SH2D2A: variants seen among roughly 807,000 people sequenced by gnomAD.
The protein encoded by SH2D2A is SH2 domain-containing protein 2A.
Under a neutral mutation model 43.6 loss-of-function variants are expected in SH2D2A, and 33 were observed. That is an observed-to-expected ratio of 0.76 (90% CI 0.57 to 1.01). SH2D2A has a LOEUF of 1.01. Ranked by LOEUF, SH2D2A falls within the 50% of genes least tolerant of loss-of-function variation. The pLI, the probability that SH2D2A is intolerant of heterozygous loss-of-function variation, is 0.00. For missense variants in SH2D2A, 491 were observed against 503.1 expected, an observed-to-expected ratio of 0.98 and a Z score of 0.23; for synonymous variants, 212 against 206.1, an observed-to-expected ratio of 1.03 and a Z score of -0.25.
Position 156,809,779 on chromosome 1 carries a change from C to G in SH2D2A, c.596G>C (p.Arg199Thr), listed in dbSNP as rs751310070. 1.2e-6 allele frequency: 2 copies of G among 1,613,860 alleles called. No individual in the cohort carries two copies. The highest frequency in any genetic ancestry group is 1.7e-6 in the Non-Finnish European group (2 of 1,179,860). The change falls in exon 6 of 9, where the codon AGG (arginine) becomes ACG (threonine). Residue 199 changes from arginine (R) to threonine (T), a missense_variant. By Grantham distance (71) the Arg-to-Thr change is moderately conservative (BLOSUM62 -1). Coordinates refer to ENST00000368199, the MANE Select transcript of SH2D2A (RefSeq NM_003975.4). The surrounding 1 kb of genome is among the most constrained non-coding windows in gnomAD (Gnocchi z 4.8). The stretch of plus-strand genomic sequence containing the variant: ...GCTTCCAAAGTTTGATTCTTCGGTC[C>G]TCAGGGAAAGTCCTGCAGGCTCAGG... Reference protein sequence around the residue: ...QTPEPAGLSLRTEESNFGSKS... With the variant: ...QTPEPAGLSLTTEESNFGSKS...
Position 156,814,005 on chromosome 1 carries a change from C to T in SH2D2A, c.410G>A (p.Cys137Tyr). The T allele has an allele frequency of 1.3e-6, 2 of 1,513,450 alleles. No homozygotes were observed. Among genetic ancestry groups the T allele is most frequent in the Non-Finnish European group, 1.8e-6 (2 of 1,130,832 alleles). 93.8% of individuals were successfully genotyped at this position (1,513,450 alleles called of 1,614,324 possible). The part of the protein sequence containing the change: ...TFVLTYRSRT[C>Y]CRHFLLAQLR... The stretch of plus-strand genomic sequence containing the variant: ...CTGGGCCAGCAGGAAGTGGCGGCAG[C>T]AAGTCCGGCTCCTGGAGGGCGCCGT... Residue 137 changes from cysteine to tyrosine, a missense_variant, in exon 5 of 9, where the codon TGC becomes TAC. Transcript: ENST00000368199.
In SH2D2A at chr1:156,815,221, C is replaced by T. The variant is rs527740614; in HGVS notation, c.124G>A (p.Ala42Thr). 5.3e-6 allele frequency: 8 copies of T among 1,508,202 alleles called. No homozygotes were observed. In the African/African-American group the frequency reaches 9.7e-5, roughly 18 times the overall value. 93.4% of individuals were successfully genotyped at this position (1,508,202 alleles called of 1,614,324 possible). The change falls in exon 3 of 9, where the codon GCA (alanine) becomes ACA (threonine). Residue 42 changes from alanine (A) to threonine (T), a missense_variant and splice_region_variant. Physicochemically the swap from Ala to Thr is moderately conservative, Grantham distance 58 (BLOSUM62 0). Transcript: ENST00000368199. ...RSCQNLGYTA[A>T]SPQAPEAASN... Reference sequence around the variant, plus strand: ...GCAGCCTCCGGGGCCTGGGGAGATGCCTGGATCAGGGAAGAGTTCAAGGAG... The same window carrying T: ...GCAGCCTCCGGGGCCTGGGGAGATGTCTGGATCAGGGAAGAGTTCAAGGAG...
intron 5 of SH2D2A, among the ~76,000 whole-genome samples, chr1:156,811,601 G>A (rs1653425654): frequency 6.6e-6 from 1 of 152,142 alleles, no homozygotes; most frequent in African/African-American, 2.4e-5. Context: ...TGTTTTAACT[G>A]ACCCAAATCA....
chr1:156,807,398 G>A lies in SH2D2A; in HGVS notation c.1003-53C>T. 7.1e-7 allele frequency: 1 copy of A among 1,413,940 alleles called. No homozygotes were observed. Among genetic ancestry groups the A allele is most frequent in the Non-Finnish European group, 9.3e-7 (1 of 1,073,966 alleles). The allele number at this position is 1,413,940 out of a possible 1,614,324, so 87.6% of individuals were successfully genotyped here. A position where few individuals can be genotyped will look rare whatever the true frequency, so the allele number is the denominator to read the frequency against. ...ACACCCTCTACCCTCTGCCTCCTAG[G>A]TGTACTTGCAGTCTCAAGACATCTG... On this transcript the variant is annotated intron_variant, in intron 7 of 8. Coordinates refer to ENST00000368199, the MANE Select transcript of SH2D2A (RefSeq NM_003975.4). This position sits in a 1 kb window ranked among gnomAD's most constrained non-coding sequence, Gnocchi z 5.1.
chr1:156,814,038 C>A, intron 4 of SH2D2A, 22 bp from the exon 5 acceptor site: 2 of 1,496,576 alleles, frequency 1.3e-6, no homozygotes, highest in South Asian at 1.3e-5. Flanking sequence ...CGTTAGGGAT[C>A]AGACTATCTC....
At chr1:156,810,885 C>T (rs528365425) in intron 5 of SH2D2A, among the ~76,000 whole-genome samples, 167 of 152,274 alleles carry the variant, frequency 1.1e-3, no homozygotes, top group Non-Finnish European at 1.5e-3. Flanking sequence ...GGGATGGTTC[C>T]GTCTCACAGA....
intron 1 of SH2D2A, among the ~76,000 whole-genome samples, chr1:156,816,376 C>G (rs945749996): frequency 6.6e-6 from 1 of 152,198 alleles, no homozygotes; most frequent in Non-Finnish European, 1.5e-5. Flanking sequence ...AGGCAGATCA[C>G]TTCAGGGCAG....
At position 156,807,353 on chromosome 1, in the gene SH2D2A, G is replaced by A. The variant is rs776631089; in HGVS notation, c.1003-8C>T. ...CTGGGAGCCACCTGTATTCTGCAGA[G>A]AGAAGGACAGTTCTAGGTCACACCC... On this transcript the variant is annotated splice_region_variant and splice_polypyrimidine_tract_variant and intron_variant, in intron 7 of 8. Coordinates refer to ENST00000368199, the MANE Select transcript of SH2D2A (RefSeq NM_003975.4). This position sits in a 1 kb window ranked among gnomAD's most constrained non-coding sequence, Gnocchi z 5.1. The A allele has an allele frequency of 1.3e-6, 2 of 1,525,454 alleles. No individual in the cohort carries two copies. Among genetic ancestry groups the A allele is most frequent in the Admixed American group, 2.0e-5 (1 of 49,814 alleles). 94.5% of individuals were successfully genotyped at this position (1,525,454 alleles called of 1,614,324 possible).
chr1:156,816,457 T>C (rs915784998), intron 1 of SH2D2A, among the ~76,000 whole-genome samples: 14 of 152,172 alleles, frequency 9.2e-5, no homozygotes, highest in African/African-American at 3.1e-4. Flanking sequence ...CTCTCCTCTC[T>C]GAGAAGCCCT....
intron 5 of SH2D2A, among the ~76,000 whole-genome samples, chr1:156,813,066 T>TTTGTGAGTTTGAGATCCA (rs1653537103): frequency 1.3e-5 from 2 of 152,158 alleles, no homozygotes; most frequent in Non-Finnish European, 2.9e-5. Flanking sequence ...GAAAGTAGGC[T>TTTGTGAGTTTGAGATCCA]TTGTGAGTTT....
chr1:156,810,478 C>T (rs933910784), intron 5 of SH2D2A, among the ~76,000 whole-genome samples: 8 of 151,880 alleles, frequency 5.3e-5, no homozygotes, highest in Admixed American at 2.6e-4. Context: ...GACAGCTGTG[C>T]TTGTGTTTAT....
intron 2 of SH2D2A, chr1:156,815,661 G>A: frequency 1.3e-6 from 1 of 779,282 alleles, no homozygotes; most frequent in South Asian, 1.4e-5. Flanking sequence ...CTGGGCAGGA[G>A]AGAAGGACTG....
At position 156,815,209 on chromosome 1, in the gene SH2D2A, C is replaced by T. The variant is rs765883684; in HGVS notation, c.136G>A (p.Ala46Thr). 1.3e-6 allele frequency: 2 copies of T among 1,536,172 alleles called. No individual in the cohort carries two copies. The highest frequency in any genetic ancestry group is 1.2e-5 in the South Asian group (1 of 80,164). Residue 46 changes from alanine (A) to threonine (T), a missense_variant, in exon 3 of 9, where the codon GCC becomes ACC. Coordinates refer to ENST00000368199, the MANE Select transcript of SH2D2A (RefSeq NM_003975.4). ...CCTGTGTTGGAGGCAGCCTCCGGGG[C>T]CTGGGGAGATGCCTGGATCAGGGAA... ...NLGYTAASPQ[A>T]PEAASNTGNA...
chr1:156,810,005 G>A (rs1189817439), intron 5 of SH2D2A, among the ~76,000 whole-genome samples, 198 bp from the exon 6 acceptor site: 2 of 152,142 alleles, frequency 1.3e-5, no homozygotes, highest in Non-Finnish European at 2.9e-5. Context: ...TGGAGGCAGT[G>A]GTAAGCTCTG....
chr1:156,814,486 G>A (rs1476334386), intron 3 of SH2D2A, 192 bp from the exon 4 acceptor site: 4 of 1,093,056 alleles, frequency 3.7e-6, no homozygotes, highest in East Asian at 2.7e-5. Flanking sequence ...GGCGTGGACA[G>A]GGGCCAGGGG....
chr1:156,809,812 T>C lies in SH2D2A; in HGVS notation c.568-5A>G. On this transcript the variant is annotated splice_polypyrimidine_tract_variant and splice_region_variant and intron_variant, in intron 5 of 8. Coordinates refer to ENST00000368199, the MANE Select transcript of SH2D2A (RefSeq NM_003975.4). The surrounding 1 kb of genome is among the most constrained non-coding windows in gnomAD (Gnocchi z 4.8). The stretch of plus-strand genomic sequence containing the variant: ...AAGTCCTGCAGGCTCAGGAGTCTGC[T>C]GGGAAAGAAGGAGGTCTGAGGCACT... The C allele has an allele frequency of 6.2e-7, 1 of 1,612,676 alleles. No individual in the cohort carries two copies. Among genetic ancestry groups the C allele is most frequent in the Non-Finnish European group, 8.5e-7 (1 of 1,179,500 alleles).
In SH2D2A at chr1:156,806,871, C is replaced by G. The variant is rs183168637; in HGVS notation, c.*4-298G>C. 3.7e-3 allele frequency among the ~76,000 whole-genome samples: 569 copies of G among 152,298 alleles called. 18 individuals are homozygous for G. The highest frequency in any genetic ancestry group is 0.034 in the Admixed American group (519 of 15,304). Reference sequence around the variant, plus strand: ...CACTAAGGACAAATGTAATGCTGCTCATCCTCCCGCTCTTACCCGTGGCAG... The same window carrying G: ...CACTAAGGACAAATGTAATGCTGCTGATCCTCCCGCTCTTACCCGTGGCAG... On this transcript the variant is annotated intron_variant, in intron 8 of 8. Transcript: ENST00000368199.
Position 156,809,336 on chromosome 1 carries a change from T to C in SH2D2A, c.869A>G (p.Tyr290Cys). 1.9e-6 allele frequency: 3 copies of C among 1,614,172 alleles called. No individual in the cohort carries two copies. The highest frequency in any genetic ancestry group is 2.2e-5 in the South Asian group (2 of 91,088). The change falls in exon 7 of 9, where the codon TAT becomes TGT. Residue 290 changes from tyrosine to cysteine, a missense_variant. By Grantham distance (194) the Tyr-to-Cys change is radical (BLOSUM62 -2). Transcript: ENST00000368199. This position sits in a 1 kb window ranked among gnomAD's most constrained non-coding sequence, Gnocchi z 4.8. ...CCCAGGGCTGCCCCGGCCCATGGCA[T>C]AGAAAGCTATGGGTTCATCAGGCTC... ...YNEPDEPIAF[Y>C]AMGRGSPGEA...
At position 156,807,649 on chromosome 1, in the gene SH2D2A, T is replaced by C. The variant is rs1186271753; in HGVS notation, c.1003-304A>G. On this transcript the variant is annotated intron_variant, in intron 7 of 8. Coordinates refer to ENST00000368199, the MANE Select transcript of SH2D2A (RefSeq NM_003975.4). This position sits in a 1 kb window ranked among gnomAD's most constrained non-coding sequence, Gnocchi z 5.1. ...TGGATGTCTCAGGTGATCAGTGGCA[T>C]GGCAGGTGTGTGTAAGGCACAGGGG... 6.6e-6 allele frequency among the ~76,000 whole-genome samples: 1 copy of C among 152,142 alleles called. No homozygotes were observed. Among genetic ancestry groups the C allele is most frequent in the Non-Finnish European group, 1.5e-5 (1 of 68,022 alleles).
Sources: gnomAD v4.1 joint callset for allele counts (sites outside exome capture counted in the v4.1 genomes callset) on GRCh38, gnomAD v4.1.1 for gene constraint, Gnocchi (gnomAD v3.1) non-coding constraint, MANE v1.5 for transcripts, NCBI Gene and HGNC (gene_info 2026-07-23, HGNC 2026-07-21) for gene names.